Variants in STARD4 observed in about 807,000 individuals in gnomAD.
STARD4 encodes StAR related lipid transfer domain containing 4.
In STARD4, 33 loss-of-function variants were observed where a neutral mutation model predicts 24.9. The observed-to-expected ratio is 1.32, with a 90% CI of 1.00 to 1.77. STARD4 has a LOEUF of 1.77. STARD4 is among the 40% of genes most tolerant of loss of function. The pLI is 0.00. For missense variants in STARD4, 238 were observed against 249.3 expected (o/e 0.95, Z 0.31); for synonymous variants, 88 against 77.4 (o/e 1.14, Z -0.72).
Position 111,499,788 on chromosome 5 carries a change from C to T in STARD4, c.*98G>A. 8.8e-7 allele frequency: 1 copy of T among 1,131,700 alleles called. No homozygotes were observed. The highest frequency in any genetic ancestry group is 1.3e-6 in the Non-Finnish European group (1 of 788,312). The allele number at this position is 1,131,700 out of a possible 1,614,324, so 70.1% of individuals were successfully genotyped here. The stretch of plus-strand genomic sequence containing the variant: ...TGAACCAAAAACATTTCAAATTTTT[C>T]TACCGGCTATGCAGAAAAGTGGAAT... On this transcript the variant is annotated 3_prime_UTR_variant, in exon 6 of 6. Transcript: ENST00000296632.
At chr5:111,502,186 A>T in intron 3 of STARD4, 98 bp from the exon 4 acceptor site, 3 of 1,409,326 alleles carry the variant, frequency 2.1e-6, no homozygotes, top group Non-Finnish European at 2.9e-6. Flanking sequence ...GAAAAAAATT[A>T]GGCCGGGTAG....
In STARD4 at chr5:111,496,907, T is replaced by A. The variant is rs1244002919; in HGVS notation, c.*2979A>T. 2.0e-5 allele frequency: 3 copies of A among 152,066 alleles called. No individual in the cohort carries two copies. Among genetic ancestry groups the A allele is most frequent in the Non-Finnish European group, 4.4e-5 (3 of 67,936 alleles). The allele number at this position is 152,066 out of a possible 1,614,324, so 9.4% of individuals were successfully genotyped here. ...TACTTTAGCAATTTATCTTATAGAT[T>A]AGTTAACTACAGAATACTAGATTCT... On this transcript the variant is annotated 3_prime_UTR_variant, in exon 6 of 6. Coordinates refer to ENST00000296632, the MANE Select transcript of STARD4 (RefSeq NM_139164.3).
chr5:111,511,287 A>AT (rs1757253340), intron 1 of STARD4, among the ~76,000 whole-genome samples: 1 of 152,130 alleles, frequency 6.6e-6, no homozygotes, highest in African/African-American at 2.4e-5. Context: ...CTAATACTTG[A>AT]TTAAAAAAAA....
rs1300975786 is a variant in STARD4 at position 111,498,154 on chromosome 5, G to A, written c.*1732C>T. On this transcript the variant is annotated 3_prime_UTR_variant, in exon 6 of 6. Coordinates refer to ENST00000296632, the MANE Select transcript of STARD4 (RefSeq NM_139164.3). ...AGCAGATCTAAGGGGCCATCTAGAA[G>A]CTGCACATACATTTTAGGTGATTCA... The A allele has an allele frequency of 6.6e-6, 1 of 151,876 alleles. No homozygotes were observed. The highest frequency in any genetic ancestry group is 2.4e-5 in the African/African-American group (1 of 41,366). 9.4% of individuals were successfully genotyped at this position (151,876 alleles called of 1,614,324 possible). A position where few individuals can be genotyped will look rare whatever the true frequency, so the allele number is the denominator to read the frequency against.
Position 111,507,424 on chromosome 5 carries a change from G to C in STARD4, c.10C>G (p.Leu4Val), listed in dbSNP as rs761895861. Residue 4 changes from leucine (L) to valine (V), a missense_variant, in exon 2 of 6, where the codon CTG becomes GTG. Coordinates refer to ENST00000296632, the MANE Select transcript of STARD4 (RefSeq NM_139164.3). The surrounding 1 kb of genome is among the most constrained non-coding windows in gnomAD (Gnocchi z 4.4). MEG[L>V]SDVASFATKL... The stretch of plus-strand genomic sequence containing the variant: ...GTTGCAAAAGAAGCAACATCAGACA[G>C]GCCTTCCATTACTTCTCTCTGTTAT... 1.4e-5 allele frequency: 22 copies of C among 1,613,132 alleles called. No individual in the cohort carries two copies. Among genetic ancestry groups the C allele is most frequent in the Non-Finnish European group, 1.9e-5 (22 of 1,179,628 alleles).
At position 111,502,178 on chromosome 5, in the gene STARD4, A is replaced by C. The variant is rs1245195253; in HGVS notation, c.156-90T>G. The C allele has an allele frequency of 2.7e-6, 4 of 1,463,530 alleles. No individual in the cohort carries two copies. The East Asian group carries it at 9.2e-5, about 34-fold the overall frequency. The allele number at this position is 1,463,530 out of a possible 1,614,324, so 90.7% of individuals were successfully genotyped here. A position where few individuals can be genotyped will look rare whatever the true frequency, so the allele number is the denominator to read the frequency against. ...GCATAGCTAACTTTGAAAGTAAGGA[A>C]AAAAATTAGGCCGGGTAGGGTGGCT... On this transcript the variant is annotated intron_variant, in intron 3 of 5. Transcript: ENST00000296632.
Position 111,507,443 on chromosome 5 carries a change from C to T in STARD4, c.-9-1G>A. 1 of 1,609,214 alleles carries T rather than the reference C, an allele frequency of 6.2e-7. No homozygotes were observed. The highest frequency in any genetic ancestry group is 1.1e-5 in the South Asian group (1 of 90,344). On this transcript the variant is annotated splice_acceptor_variant, in intron 1 of 5. Transcript: ENST00000296632. LOFTEE classifies it low-confidence loss of function (5UTR_SPLICE). This position sits in a 1 kb window ranked among gnomAD's most constrained non-coding sequence, Gnocchi z 4.4. ...CAGACAGGCCTTCCATTACTTCTCT[C>T]TGTTATGGAGACCAAGATTAGCATC...
At chr5:111,510,167 CAAGATT>C (rs1177163899) in intron 1 of STARD4, among the ~76,000 whole-genome samples, 8 of 152,184 alleles carry the variant, frequency 5.3e-5, no homozygotes, top group African/African-American at 9.7e-5. Flanking sequence ...TTATTTTCAT[CAAGATT>C]AAGTCCATAA....
rs1756985381 is a variant in STARD4, at chr5:111,507,947, CA to C, written c.-9-506del. 6.6e-6 allele frequency among the ~76,000 whole-genome samples: 1 copy of C among 152,136 alleles called. No homozygotes were observed. The highest frequency in any genetic ancestry group is 2.1e-4 in the South Asian group (1 of 4,830). On this transcript the variant is annotated intron_variant, in intron 1 of 5. Coordinates refer to ENST00000296632, the MANE Select transcript of STARD4 (RefSeq NM_139164.3). This position sits in a 1 kb window ranked among gnomAD's most constrained non-coding sequence, Gnocchi z 4.4. ...GGCAATTGAGCCCAAGTTCTCAAGT[CA>C]AAAGGCTTGGAATTGCCCTTAATAA...
Position 111,506,378 on chromosome 5 carries a change from T to C in STARD4, c.107A>G (p.Lys36Arg). The change falls in exon 3 of 6, where the codon AAA becomes AGA. Residue 36 changes from lysine (K) to arginine (R), a missense_variant and splice_region_variant. Coordinates refer to ENST00000296632, the MANE Select transcript of STARD4 (RefSeq NM_139164.3). ...GGGTTTTCTCCAAACAGTTACATCT[T>C]TCTAGAAAAATAAAAACATTATATG... ...EDKWRVAKKT[K>R]DVTVWRKPSE... 1 of 1,463,726 alleles carries C rather than the reference T, an allele frequency of 6.8e-7. No homozygotes were observed. Among genetic ancestry groups the C allele is most frequent in the Non-Finnish European group, 9.4e-7 (1 of 1,061,662 alleles). The allele number at this position is 1,463,726 out of a possible 1,614,324, so 90.7% of individuals were successfully genotyped here.
At position 111,498,495 on chromosome 5, in the gene STARD4, A is replaced by G. The variant is rs1756219783; in HGVS notation, c.*1391T>C. ...ATGAGACTTCCTACTCTACGCTAATAAAAACAAATAAAAAATAGATGAAGT... is the reference window on the plus strand; with the variant it reads ...ATGAGACTTCCTACTCTACGCTAATGAAAACAAATAAAAAATAGATGAAGT... On this transcript the variant is annotated 3_prime_UTR_variant, in exon 6 of 6. Transcript: ENST00000296632. 6.6e-6 allele frequency: 1 copy of G among 151,948 alleles called. No individual in the cohort carries two copies. The allele number at this position is 151,948 out of a possible 1,614,324, so 9.4% of individuals were successfully genotyped here. A position where few individuals can be genotyped will look rare whatever the true frequency, so the allele number is the denominator to read the frequency against.
At position 111,498,387 on chromosome 5, in the gene STARD4, G is replaced by A. The variant is rs1466063639; in HGVS notation, c.*1499C>T. 1.3e-5 allele frequency: 2 copies of A among 151,756 alleles called. No homozygotes were observed. Among genetic ancestry groups the A allele is most frequent in the Non-Finnish European group, 2.9e-5 (2 of 67,912 alleles). The allele number at this position is 151,756 out of a possible 1,614,324, so 9.4% of individuals were successfully genotyped here. On this transcript the variant is annotated 3_prime_UTR_variant, in exon 6 of 6. Transcript: ENST00000296632. The stretch of plus-strand genomic sequence containing the variant: ...AGTTCAGGAAATAATAGCCCTTATA[G>A]TAATGTGTACTATCTTGTCACAAAT...
intron 5 of STARD4, 84 bp from the exon 6 acceptor site, chr5:111,500,190 T>C: frequency 7.1e-7 from 1 of 1,404,918 alleles, no homozygotes; most frequent in Non-Finnish European, 9.3e-7. Flanking sequence ...AGAATTCTTA[T>C]TTAAATATTT....
chr5:111,508,634 A>G (rs1403331418), intron 1 of STARD4, among the ~76,000 whole-genome samples: 1 of 152,166 alleles, frequency 6.6e-6, no homozygotes, highest in Non-Finnish European at 1.5e-5. Flanking sequence ...GCAGTTGTCA[A>G]CTATGGATGC....
rs1012958492 is a variant in STARD4 at position 111,497,415 on chromosome 5, T to G, written c.*2471A>C. 4 of 152,204 alleles carry G rather than the reference T, an allele frequency of 2.6e-5. No individual in the cohort carries two copies. Among genetic ancestry groups the G allele is most frequent in the African/African-American group, 7.2e-5 (3 of 41,568 alleles). 9.4% of individuals were successfully genotyped at this position (152,204 alleles called of 1,614,324 possible). A position where few individuals can be genotyped will look rare whatever the true frequency, so the allele number is the denominator to read the frequency against. On this transcript the variant is annotated 3_prime_UTR_variant, in exon 6 of 6. Transcript: ENST00000296632. ...CAAATTAATAAATATGCTATAGGAC[T>G]GTGCTATTCAATACAGTATCCACTG...
chr5:111,501,014 GC>G lies in STARD4; in HGVS notation c.384del (p.Leu129PhefsTer6). The G allele has an allele frequency of 6.2e-7, 1 of 1,613,628 alleles. No homozygotes were observed. Reference sequence around the variant, plus strand: ...TTGAGATTATTACCACAAGATAAAAGCCCTTCTTTATAGCCCACAGTATAGG... The same window carrying G: ...TTGAGATTATTACCACAAGATAAAAGCCTTCTTTATAGCCCACAGTATAGG... ...DFSYTVGYKE[G>X]LLSCGISLDW... On this transcript the variant is annotated frameshift_variant, in exon 5 of 6. Coordinates refer to ENST00000296632, the MANE Select transcript of STARD4 (RefSeq NM_139164.3). LOFTEE classifies it high-confidence loss of function.
rs896976923 is a variant in STARD4 at position 111,496,107 on chromosome 5, T to C, written c.*3779A>G. ...TAAATACATATTTTATTGATACTAA[T>C]ACATATTATTAGTTTAATAAATATT... On this transcript the variant is annotated 3_prime_UTR_variant, in exon 6 of 6. Coordinates refer to ENST00000296632, the MANE Select transcript of STARD4 (RefSeq NM_139164.3). 2.0e-5 allele frequency: 3 copies of C among 151,994 alleles called. No individual in the cohort carries two copies. Among genetic ancestry groups the C allele is most frequent in the African/African-American group, 7.2e-5 (3 of 41,440 alleles). The allele number at this position is 151,994 out of a possible 1,614,324, so 9.4% of individuals were successfully genotyped here.
At chr5:111,501,850 C>T in intron 4 of STARD4, 112 bp downstream of exon 4, 2 of 1,427,114 alleles carry the variant, frequency 1.4e-6, no homozygotes, top group Non-Finnish European at 1.9e-6. Flanking sequence ...CTGCTATTCT[C>T]AAAGCAATGA....
Position 111,507,746 on chromosome 5 carries a change from T to C in STARD4, c.-9-304A>G, listed in dbSNP as rs998442745. On this transcript the variant is annotated intron_variant, in intron 1 of 5. Coordinates refer to ENST00000296632, the MANE Select transcript of STARD4 (RefSeq NM_139164.3). This position sits in a 1 kb window ranked among gnomAD's most constrained non-coding sequence, Gnocchi z 4.4. ...AGGGGAAGCAATTGTATCTCATATA[T>C]AGATATGCTGTTAACTCTCAAACAT... is the stretch of plus-strand genomic sequence containing the variant. Among the ~76,000 whole-genome samples the C allele has an allele frequency of 2.0e-5, 3 of 152,130 alleles. No individual in the cohort carries two copies. The highest frequency in any genetic ancestry group is 4.8e-5 in the African/African-American group (2 of 41,444).
Sources: gnomAD v4.1 joint callset for allele counts (sites outside exome capture counted in the v4.1 genomes callset) on GRCh38, gnomAD v4.1.1 for gene constraint, Gnocchi (gnomAD v3.1) non-coding constraint, MANE v1.5 for transcripts, NCBI Gene and HGNC (gene_info 2026-07-23, HGNC 2026-07-21) for gene names.